The following RYR1 variants were observed in gnomAD, a reference collection of about 807,000 sequenced individuals.
The protein encoded by RYR1 is central core disease of muscle.
Under a neutral mutation model 583.5 loss-of-function variants are expected in RYR1, and 342 were observed. The ratio of observed to expected loss-of-function variants is 0.59; its 90% CI spans 0.54 to 0.64. The LOEUF (loss-of-function observed/expected upper bound fraction) is 0.64. Among genes scored for constraint, RYR1 ranks in the 30% least tolerant of loss-of-function variants. The pLI, the probability that RYR1 is intolerant of heterozygous loss-of-function variation, is 0.00. For synonymous variants in RYR1, 2,791 were observed against 2,822.5 expected (o/e 0.99, Z 0.35); for missense variants, 6,032 against 6,917.2 (o/e 0.87, Z 4.54).
At position 38,457,571 on chromosome 19, in the gene RYR1, G is replaced by A. The variant is rs763152247; in HGVS notation, c.1866G>A (p.Glu622=). The change falls in exon 17 of 106, where the codon GAG becomes GAA. Residue 622 remains glutamate, a synonymous_variant. Coordinates refer to ENST00000359596, the MANE Select transcript of RYR1 (RefSeq NM_000540.3). ...AVRSNQDLIT[E]NLLPGRELLL... ...GCTCCAACCAAGATCTTATTACTGA[G>A]AACTTGCTGCCTGGCCGTGAGCTTC... 1.2e-6 allele frequency: 2 copies of A among 1,613,998 alleles called. No homozygotes were observed. The highest frequency in any genetic ancestry group is 3.3e-5 in the Admixed American group (2 of 59,990).
chr19:38,514,083 C>CT (rs1367190113), intron 63 of RYR1, among the ~76,000 whole-genome samples: 5 of 151,978 alleles, frequency 3.3e-5, no homozygotes, highest in African/African-American at 1.2e-4. Flanking sequence ...GCCCCGCCCT[C>CT]TTTTTGCCTC....
chr19:38,581,018 C>A (rs995190346), intron 101 of RYR1, among the ~76,000 whole-genome samples: 1 of 151,914 alleles, frequency 6.6e-6, no homozygotes, highest in African/African-American at 2.4e-5. Flanking sequence ...CCTGCCTCAG[C>A]CTCCCAAGTA....
At position 38,586,591 on chromosome 19, in the gene RYR1, A is replaced by C; in HGVS notation, c.15021+15A>C. On this transcript the variant is annotated intron_variant, in intron 105 of 105. Coordinates refer to ENST00000359596, the MANE Select transcript of RYR1 (RefSeq NM_000540.3). ...ACACGGGTCAGGTAAGGGGGTGTTAATGGGAGGACAGTGGGCAGGACGTGG... is the reference window on the plus strand; with the variant it reads ...ACACGGGTCAGGTAAGGGGGTGTTACTGGGAGGACAGTGGGCAGGACGTGG... 1 of 1,613,214 alleles carries C rather than the reference A, an allele frequency of 6.2e-7. No individual in the cohort carries two copies. Among genetic ancestry groups the C allele is most frequent in the Non-Finnish European group, 8.5e-7 (1 of 1,179,150 alleles).
intron 73 of RYR1, chr19:38,528,070 G>A (rs1052391722): frequency 1.9e-5 from 12 of 627,468 alleles, no homozygotes; most frequent in Middle Eastern, 4.2e-4. Context: ...GTGGGTCGTA[G>A]AATTGGTCGT....
Position 38,565,557 on chromosome 19 carries a change from C to A in RYR1, c.13223C>A (p.Ala4408Asp). The part of the protein sequence containing the change: ...GPGGDADGEG[A>D]SEGAGDAAEG... ...GGCGGAGACGCAGACGGCGAGGGTG[C>A]CAGCGAGGGCGCTGGAGACGCCGCG... is the stretch of plus-strand genomic sequence containing the variant. Residue 4408 changes from alanine (A) to aspartate (D), a missense_variant, in exon 91 of 106, where the codon GCC becomes GAC. By Grantham distance (126) the Ala-to-Asp change is moderately radical (BLOSUM62 -2). Around this residue, in one of 11 missense-constraint regions of RYR1, gnomAD observed 753 missense variants for 759.6 expected, o/e 0.99. Coordinates refer to ENST00000359596, the MANE Select transcript of RYR1 (RefSeq NM_000540.3). The surrounding 1 kb of genome is among the most constrained non-coding windows in gnomAD (Gnocchi z 4.7). 6.7e-7 allele frequency: 1 copy of A among 1,483,238 alleles called. No homozygotes were observed. Among genetic ancestry groups the A allele is most frequent in the African/African-American group, 1.5e-5 (1 of 68,396 alleles). 91.9% of individuals were successfully genotyped at this position (1,483,238 alleles called of 1,614,324 possible).
chr19:38,504,674 G>T, intron 50 of RYR1, 74 bp from the exon 51 acceptor site: 1 of 1,584,686 alleles, frequency 6.3e-7, no homozygotes, highest in Non-Finnish European at 8.6e-7. Flanking sequence ...TGATTGCAGT[G>T]TGTGAGTTTG....
At chr19:38,465,497 G>A (rs1179597008) in intron 23 of RYR1, among the ~76,000 whole-genome samples, 3 of 151,986 alleles carry the variant, frequency 2.0e-5, no homozygotes, top group African/African-American at 4.8e-5. Context: ...GGGCTCAGTC[G>A]CTCACGCCTG....
chr19:38,480,828 T>C (rs1466052048), intron 31 of RYR1, among the ~76,000 whole-genome samples: 2 of 152,028 alleles, frequency 1.3e-5, no homozygotes, highest in Non-Finnish European at 2.9e-5. Context: ...CACTGCAACC[T>C]TCGCCTCCCG....
At position 38,491,434 on chromosome 19, in the gene RYR1, C is replaced by CTTT. The variant is rs112294433; in HGVS notation, c.6127+715_6127+717dup. On this transcript the variant is annotated intron_variant, in intron 37 of 105. Coordinates refer to ENST00000359596, the MANE Select transcript of RYR1 (RefSeq NM_000540.3). ...GTCTCTGAGGATTTCTTTCATTTTG[C>CTTT]TTTTTTTTTTTTTTTGAGACGGTCT... 3.8e-4 allele frequency among the ~76,000 whole-genome samples: 52 copies of CTTT among 136,196 alleles called. 1 individual carries two copies. Among genetic ancestry groups the CTTT allele is most frequent in the Non-Finnish European group, 6.0e-4 (38 of 63,256 alleles). The allele number at this position is 136,196 out of a possible 152,430, so 89.3% of individuals were successfully genotyped here.
chr19:38,492,450 A>G lies in RYR1; in HGVS notation c.6128-40A>G, dbSNP rs1234264289. The G allele has an allele frequency of 4.3e-6, 7 of 1,612,820 alleles. No individual in the cohort carries two copies. The East Asian group carries it at 1.3e-4, about 31-fold the overall frequency. ...AGTGTGTAAGCAGGTGAATAAGCAAACTAATGAATGACATTTCCCGCCTTC... is the reference window on the plus strand; with the variant it reads ...AGTGTGTAAGCAGGTGAATAAGCAAGCTAATGAATGACATTTCCCGCCTTC... On this transcript the variant is annotated intron_variant, in intron 37 of 105. Transcript: ENST00000359596.
In RYR1 at chr19:38,580,381, C is replaced by T. The variant is rs552223275; in HGVS notation, c.14523C>T (p.Thr4841=). 96 of 1,614,074 alleles carry T rather than the reference C, an allele frequency of 5.9e-5. No individual in the cohort carries two copies. The African/African-American group carries it at 6.0e-4, about 10-fold the overall frequency. Residue 4841 remains threonine, a synonymous_variant, in exon 101 of 106, where the codon ACC becomes ACT. Coordinates refer to ENST00000359596, the MANE Select transcript of RYR1 (RefSeq NM_000540.3). The stretch of plus-strand genomic sequence containing the variant: ...CATCCTGCCCCCAGCTGGTGATGAC[C>T]GTGGGCCTTCTGGCGGTGGTCGTCT... The part of the protein sequence containing the change: ...VTHNGKQLVM[T]VGLLAVVVYL...
intron 16 of RYR1, among the ~76,000 whole-genome samples, chr19:38,456,829 G>C (rs1290126743): frequency 6.6e-6 from 1 of 151,032 alleles, no homozygotes; most frequent in East Asian, 2.0e-4. Context: ...GGCGGATCAC[G>C]AGGTCAGGAG....
intron 90 of RYR1, among the ~76,000 whole-genome samples, chr19:38,563,850 G>T (rs1162769874): frequency 6.6e-6 from 1 of 152,176 alleles, no homozygotes; most frequent in African/African-American, 2.4e-5. Context: ...CTGGGGGTTC[G>T]AATCCTATAT....
In RYR1 at chr19:38,507,823, C is replaced by T. The variant is rs779607612; in HGVS notation, c.8928C>T (p.His2976=). The T allele has an allele frequency of 3.7e-6, 6 of 1,606,584 alleles. No homozygotes were observed. In the African/African-American group the frequency reaches 6.8e-5, roughly 18 times the overall value. The change falls in exon 58 of 106, where the codon CAC becomes CAT. Residue 2976 remains histidine, a synonymous_variant. Coordinates refer to ENST00000359596, the MANE Select transcript of RYR1 (RefSeq NM_000540.3). ...ACATTTCTCAGGAGTTCATTGCCCA[C>T]CTGGGTACGGAGAAATACCCCCCGC... ...WMDISQEFIA[H]LEAVVSSGRV...
rs770402462 is a variant in RYR1 at position 38,468,055 on chromosome 19, TC to T, written c.3381+245del. Among the ~76,000 whole-genome samples the T allele has an allele frequency of 0.25, 14,664 of 59,768 alleles. 903 individuals are homozygous for T. Among genetic ancestry groups the T allele is most frequent in the Non-Finnish European group, 0.3 (8,503 of 28,452 alleles). The allele number at this position is 59,768 out of a possible 152,430, so 39.2% of individuals were successfully genotyped here. On this transcript the variant is annotated intron_variant, in intron 25 of 105. Coordinates refer to ENST00000359596, the MANE Select transcript of RYR1 (RefSeq NM_000540.3). ...CATCCATCCATCCATCCATCATCCA[TC>T]CATCCATCCATCCATCCATCCATCC...
chr19:38,510,084 G>A (rs957972803), intron 58 of RYR1, among the ~76,000 whole-genome samples: 2 of 152,186 alleles, frequency 1.3e-5, no homozygotes, highest in African/African-American at 2.4e-5. Flanking sequence ...ACATTGGGAG[G>A]TTGAGGCGGG....
chr19:38,452,521 A>C (rs981600835), intron 12 of RYR1, among the ~76,000 whole-genome samples: 3 of 152,066 alleles, frequency 2.0e-5, no homozygotes, highest in Non-Finnish European at 4.4e-5. Context: ...GACAACCATG[A>C]TCACATTCCT....
chr19:38,507,837 A>G lies in RYR1; in HGVS notation c.8932+10A>G. ...TTCATTGCCCACCTGGGTACGGAGA[A>G]ATACCCCCCGCTTATGCCCGCCCCA... On this transcript the variant is annotated intron_variant, in intron 58 of 105. Transcript: ENST00000359596. The G allele has an allele frequency of 6.4e-7, 1 of 1,569,580 alleles. No homozygotes were observed. The highest frequency in any genetic ancestry group is 8.7e-7 in the Non-Finnish European group (1 of 1,146,140).
At chr19:38,473,015 CAA>C (rs199613372) in intron 27 of RYR1, among the ~76,000 whole-genome samples, 42 of 74,482 alleles carry the variant, frequency 5.6e-4, no homozygotes, top group Admixed American at 6.2e-4. Context: ...GACTGTGTCT[CAA>C]AAAAAAAAAA....
Sources: allele counts gnomAD v4.1 joint callset (sites outside exome capture counted in the v4.1 genomes callset), GRCh38; gene constraint gnomAD v4.1.1; regional missense constraint gnomAD v4.1.1; non-coding constraint Gnocchi (gnomAD v3.1); transcripts MANE v1.5; gene names NCBI Gene and HGNC (gene_info 2026-07-23, HGNC 2026-07-21).